Variants in GUCY1A2 observed in about 807,000 individuals in gnomAD.
GUCY1A2 encodes the protein guanylate cyclase soluble subunit alpha-2.
A neutral mutation model predicts 63.5 loss-of-function variants in GUCY1A2; 27 were observed. The ratio of observed to expected loss-of-function variants is 0.43; its 90% CI spans 0.31 to 0.59. GUCY1A2 has a LOEUF of 0.59. GUCY1A2 is among the 20% of genes least tolerant of loss of function. The pLI is 0.11. For synonymous variants in GUCY1A2, 364 were observed against 343.5 expected, an observed-to-expected ratio of 1.06 and a Z score of -0.66; for missense variants, 768 against 913.3, an observed-to-expected ratio of 0.84 and a Z score of 2.05.
chr11:106,949,842 C>T (rs748702728), intron 3 of GUCY1A2, among the ~76,000 whole-genome samples: 1 of 152,140 alleles, frequency 6.6e-6, no homozygotes, highest in Non-Finnish European at 1.5e-5. Flanking sequence ...ACTATAGTAA[C>T]CCTAATCTTT....
intron 4 of GUCY1A2, among the ~76,000 whole-genome samples, chr11:106,885,800 T>C (rs1859890521): frequency 6.6e-6 from 1 of 152,230 alleles, no homozygotes; most frequent in African/African-American, 2.4e-5. Context: ...ACATGTAGTA[T>C]ACATTAAGCC....
chr11:106,870,250 A>G (rs1040339313), intron 4 of GUCY1A2, among the ~76,000 whole-genome samples: 2 of 152,088 alleles, frequency 1.3e-5, no homozygotes, highest in African/African-American at 4.8e-5. Flanking sequence ...AACTTAAAGT[A>G]TAATAAAAAA....
intron 5 of GUCY1A2, among the ~76,000 whole-genome samples, chr11:106,805,977 G>A (rs7114440): frequency 0.027 from 4,149 of 152,082 alleles, 169 homozygotes; most frequent in African/African-American, 0.094. Flanking sequence ...TTTCTTATCC[G>A]AAAATGTACA....
At chr11:106,934,586 A>G (rs1860649686) in intron 4 of GUCY1A2, among the ~76,000 whole-genome samples, 1 of 152,212 alleles carries the variant, frequency 6.6e-6, no homozygotes, top group Admixed American at 6.5e-5. Flanking sequence ...ACAGAAAACC[A>G]GACATTTCCT....
chr11:106,893,471 T>TAC (rs1412708225), intron 4 of GUCY1A2, among the ~76,000 whole-genome samples: 1 of 151,648 alleles, frequency 6.6e-6, no homozygotes, highest in East Asian at 1.9e-4. Flanking sequence ...GCCAAATATA[T>TAC]ATATACCACC....
chr11:106,934,744 G>T (rs1860652298), intron 4 of GUCY1A2, among the ~76,000 whole-genome samples: 1 of 152,128 alleles, frequency 6.6e-6, no homozygotes, highest in Non-Finnish European at 1.5e-5. Context: ...AAGTGAAGAT[G>T]AATAACAATG....
intron 3 of GUCY1A2, among the ~76,000 whole-genome samples, chr11:106,977,437 G>C (rs940685552): frequency 2.8e-4 from 42 of 152,220 alleles, no homozygotes; most frequent in African/African-American, 9.9e-4. Context: ...TCACTGTCCT[G>C]CATGCTGTTA....
chr11:106,824,662 T>C (rs1858943451), intron 4 of GUCY1A2: 9 of 863,856 alleles, frequency 1.0e-5, no homozygotes, highest in Middle Eastern at 3.7e-4. Flanking sequence ...TGAATAGAAA[T>C]TTGTAGATAA....
At chr11:106,947,484 A>G (rs7932724) in intron 3 of GUCY1A2, among the ~76,000 whole-genome samples, 2,486 of 152,130 alleles carry the variant, frequency 0.016, 71 homozygotes, top group African/African-American at 0.057. Flanking sequence ...AATGTTAATA[A>G]TAAAAACTAA....
chr11:107,003,029 TATCTC>T (rs905828043), intron 1 of GUCY1A2, among the ~76,000 whole-genome samples: 11 of 152,036 alleles, frequency 7.2e-5, no homozygotes, highest in African/African-American at 2.2e-4. Flanking sequence ...GATCAAGTCT[TATCTC>T]ATCCATCTCC....
intron 6 of GUCY1A2, among the ~76,000 whole-genome samples, chr11:106,743,175 G>A (rs1190936951): frequency 6.6e-6 from 1 of 151,992 alleles, no homozygotes; most frequent in Non-Finnish European, 1.5e-5. Flanking sequence ...TCAGGCTTTT[G>A]TCAGCTTTCA....
At chr11:106,931,985 C>A (rs1454868477) in intron 4 of GUCY1A2, among the ~76,000 whole-genome samples, 1 of 151,774 alleles carries the variant, frequency 6.6e-6, no homozygotes, top group Non-Finnish European at 1.5e-5. Context: ...AGGAAACTAT[C>A]AAAAAATGAA....
At chr11:106,934,048 A>G (rs565618796) in intron 4 of GUCY1A2, among the ~76,000 whole-genome samples, 1 of 152,314 alleles carries the variant, frequency 6.6e-6, no homozygotes, top group African/African-American at 2.4e-5. Flanking sequence ...GCATCATGCA[A>G]TATACCCACG....
chr11:106,837,949 G>T (rs1371338057), intron 4 of GUCY1A2, among the ~76,000 whole-genome samples: 1 of 151,856 alleles, frequency 6.6e-6, no homozygotes, highest in East Asian at 1.9e-4. Flanking sequence ...GCCTTTTCAA[G>T]ATCCTGTCTT....
At chr11:106,816,225 C>A (rs1254612753) in intron 4 of GUCY1A2, among the ~76,000 whole-genome samples, 21 of 138,448 alleles carry the variant, frequency 1.5e-4, no homozygotes, top group Non-Finnish European at 9.3e-5. Flanking sequence ...CGACCAAATC[C>A]TAGGCCATAA....
Position 106,856,053 on chromosome 11 carries a change from G to C in GUCY1A2, c.1207-45575C>G, listed in dbSNP as rs375573882. Among the ~76,000 whole-genome samples, 102 of 151,620 alleles carry C rather than the reference G, an allele frequency of 6.7e-4. 2 individuals are homozygous for C. In the East Asian group the frequency reaches 7.6e-3, roughly 11 times the overall value. ...TGATCCTCCCACCTCAGCCTCCCAA[G>C]TAGCTGGGACTACAGACATGTGCCA... On this transcript the variant is annotated intron_variant, in intron 4 of 7. Transcript: ENST00000526355.
intron 3 of GUCY1A2, among the ~76,000 whole-genome samples, chr11:106,962,347 C>T (rs903386695): frequency 1.9e-4 from 28 of 150,978 alleles, no homozygotes; most frequent in Admixed American, 2.6e-4. Flanking sequence ...GTCAGGAGAT[C>T]GAGACCATCC....
intron 5 of GUCY1A2, among the ~76,000 whole-genome samples, chr11:106,807,084 T>C (rs141282762): frequency 2.0e-4 from 31 of 152,264 alleles, no homozygotes; most frequent in African/African-American, 7.2e-4. Context: ...TCCTTTCACA[T>C]TTCTAACATA....
chr11:106,733,652 A>T (rs1863540035), intron 6 of GUCY1A2, among the ~76,000 whole-genome samples: 1 of 152,180 alleles, frequency 6.6e-6, no homozygotes, highest in African/African-American at 2.4e-5. Context: ...GAGCAGACAC[A>T]TGAGGTTTAG....
Sources: gnomAD v4.1 joint callset for allele counts (sites outside exome capture counted in the v4.1 genomes callset) on GRCh38, gnomAD v4.1.1 for gene constraint, MANE v1.5 for transcripts, NCBI Gene and HGNC (gene_info 2026-07-23, HGNC 2026-07-21) for gene names.